Variants in KDM4C observed in about 807,000 individuals in gnomAD.
KDM4C encodes the protein lysine demethylase 4C, also known as lysine-specific demethylase 4C.
KDM4C carries 81 observed loss-of-function variants against 129.3 expected under a neutral mutation model. That is an observed-to-expected ratio of 0.63 (90% confidence interval 0.52 to 0.75). KDM4C has a LOEUF of 0.75. Ranked by LOEUF, KDM4C falls within the 30% of genes least tolerant of loss-of-function variation. The pLI is 0.00. For synonymous variants in KDM4C, 573 were observed against 456.1 expected, an observed-to-expected ratio of 1.26 and a Z score of -3.26; for missense variants, 1,457 against 1,304.0, an observed-to-expected ratio of 1.12 and a Z score of -1.81.
chr9:6,816,380 C>A (rs937451164), intron 4 of KDM4C, among the ~76,000 whole-genome samples: 2 of 152,182 alleles, frequency 1.3e-5, no homozygotes, highest in African/African-American at 4.8e-5. Context: ...AATTCCCTTA[C>A]CTGCCCTATT....
intron 17 of KDM4C, among the ~76,000 whole-genome samples, chr9:7,054,232 A>C (rs189410984): frequency 1.3e-5 from 2 of 152,330 alleles, no homozygotes; most frequent in East Asian, 3.9e-4. Flanking sequence ...GTGAAGTCAC[A>C]GGTGATTGGT....
At chr9:7,094,993 A>G (rs906350815) in intron 17 of KDM4C, among the ~76,000 whole-genome samples, 1 of 152,216 alleles carries the variant, frequency 6.6e-6, no homozygotes. Flanking sequence ...TGTAGTTATC[A>G]AAGGAAAATG....
chr9:6,722,949 C>G (rs1045017712), intron 1 of KDM4C, among the ~76,000 whole-genome samples: 1 of 152,084 alleles, frequency 6.6e-6, no homozygotes, highest in Non-Finnish European at 1.5e-5. Context: ...CACGACTGCA[C>G]TCTAGCCTGG....
At chr9:7,013,021 A>T (rs1482745759) in intron 13 of KDM4C, among the ~76,000 whole-genome samples, 3 of 152,108 alleles carry the variant, frequency 2.0e-5, no homozygotes, top group Non-Finnish European at 4.4e-5. Context: ...AGTGACAAAC[A>T]TTATTTTTCT....
chr9:7,128,732 A>G (rs1434472050), intron 19 of KDM4C, among the ~76,000 whole-genome samples: 3 of 152,164 alleles, frequency 2.0e-5, no homozygotes, highest in Non-Finnish European at 4.4e-5. Flanking sequence ...AGGCTGTGGC[A>G]TTTAAGTAGT....
At chr9:7,148,531 G>A (rs1264930990) in intron 19 of KDM4C, among the ~76,000 whole-genome samples, 1 of 152,214 alleles carries the variant, frequency 6.6e-6, no homozygotes, top group East Asian at 1.9e-4. Context: ...CACCCAGAAG[G>A]GTTGGCACTC....
Position 6,840,600 on chromosome 9 carries a change from T to G in KDM4C, c.436-8907T>G. On this transcript the variant is annotated intron_variant, in intron 4 of 21. Transcript: ENST00000381309. The stretch of plus-strand genomic sequence containing the variant: ...TTAGTAGAGGCGGGGTTTCACCATA[T>G]TGGCCAGGCTGGTCTCAAACTTCTG... 1.3e-5 allele frequency among the ~76,000 whole-genome samples: 2 copies of G among 152,052 alleles called. 1 individual carries two copies. The highest frequency in any genetic ancestry group is 3.9e-4 in the East Asian group (2 of 5,190).
At chr9:7,016,447 G>A (rs1312476092) in intron 15 of KDM4C, among the ~76,000 whole-genome samples, 1 of 83,186 alleles carries the variant, frequency 1.2e-5, no homozygotes, top group Non-Finnish European at 2.4e-5. Context: ...TTTTTTTTGA[G>A]ATGGAGTCTC....
intron 1 of KDM4C, among the ~76,000 whole-genome samples, chr9:6,761,731 T>G (rs2130446174): frequency 6.6e-6 from 1 of 152,338 alleles, no homozygotes; most frequent in African/African-American, 2.4e-5. Context: ...GTACTTTGAT[T>G]AAGCTCAATA....
At chr9:7,128,410 C>CT (rs939100572) in intron 19 of KDM4C, among the ~76,000 whole-genome samples, 174 bp downstream of exon 19, 1 of 149,374 alleles carries the variant, frequency 6.7e-6, no homozygotes, top group African/African-American at 2.6e-5. Context: ...TTCCCACATT[C>CT]TTTTTTTGGC....
chr9:6,766,221 C>A (rs894497249), intron 1 of KDM4C, among the ~76,000 whole-genome samples: 2 of 152,138 alleles, frequency 1.3e-5, no homozygotes, highest in Non-Finnish European at 2.9e-5. Context: ...GCTATAGTTA[C>A]AACTGAGCAT....
At chr9:7,149,597 G>A (rs1487389711) in intron 19 of KDM4C, among the ~76,000 whole-genome samples, 1 of 152,236 alleles carries the variant, frequency 6.6e-6, no homozygotes, top group Non-Finnish European at 1.5e-5. Flanking sequence ...CAGACAGGCC[G>A]CCGCCACCAG....
At chr9:7,067,226 T>C (rs1832547442) in intron 17 of KDM4C, among the ~76,000 whole-genome samples, 1 of 152,238 alleles carries the variant, frequency 6.6e-6, no homozygotes, top group Non-Finnish European at 1.5e-5. Context: ...TTCCTGTGTA[T>C]GACAGTAGTA....
At position 6,944,965 on chromosome 9, in the gene KDM4C, T is replaced by C. The variant is rs1826677128; in HGVS notation, c.922-35960T>C. 2.0e-5 allele frequency among the ~76,000 whole-genome samples: 3 copies of C among 152,292 alleles called. No individual in the cohort carries two copies. In the South Asian group the frequency reaches 6.2e-4, roughly 32 times the overall value. ...TGTTGGGTTATTCCTGTGGTTTGTA[T>C]AGTGTTCTTATTTTTGCATGTGTTT... On this transcript the variant is annotated intron_variant, in intron 8 of 21. Transcript: ENST00000381309.
intron 8 of KDM4C, among the ~76,000 whole-genome samples, chr9:6,907,643 T>TTC: frequency 6.6e-6 from 1 of 152,320 alleles, no homozygotes; most frequent in Non-Finnish European, 1.5e-5. Flanking sequence ...TAATTAATAA[T>TTC]TGATATCTAA....
chr9:6,851,185 TC>T (rs1292776874), intron 5 of KDM4C, among the ~76,000 whole-genome samples: 1 of 152,146 alleles, frequency 6.6e-6, no homozygotes, highest in Non-Finnish European at 1.5e-5. Flanking sequence ...TAGTGTGTTG[TC>T]CAGGCCGGTG....
chr9:7,081,327 G>A (rs1220126001), intron 17 of KDM4C, among the ~76,000 whole-genome samples: 1 of 152,194 alleles, frequency 6.6e-6, no homozygotes, highest in Non-Finnish European at 1.5e-5. Flanking sequence ...AAAGCGCTAA[G>A]GGAAGAACTT....
chr9:7,163,046 G>A (rs1564196424), intron 19 of KDM4C, among the ~76,000 whole-genome samples: 1 of 152,058 alleles, frequency 6.6e-6, no homozygotes, highest in African/African-American at 2.4e-5. Flanking sequence ...CTAGTGATGG[G>A]CCGTGCAGGA....
intron 1 of KDM4C, among the ~76,000 whole-genome samples, chr9:6,765,887 CA>C (rs1820530368): frequency 6.6e-6 from 1 of 152,040 alleles, no homozygotes; most frequent in South Asian, 2.1e-4. Flanking sequence ...CTCCTGGGTT[CA>C]AGCTATTCCC....
Sources: allele counts gnomAD v4.1 joint callset (sites outside exome capture counted in the v4.1 genomes callset), GRCh38; gene constraint gnomAD v4.1.1; transcripts MANE v1.5; gene names NCBI Gene and HGNC (gene_info 2026-07-23, HGNC 2026-07-21).